The following NMBR variants were observed in gnomAD, a reference collection of about 807,000 sequenced individuals.
NMBR encodes the protein neuromedin-B receptor.
In NMBR, 16 loss-of-function variants were observed where a neutral mutation model predicts 20.5. The observed-to-expected ratio is 0.78, with a 90% CI of 0.53 to 1.19. The LOEUF (loss-of-function observed/expected upper bound fraction) is 1.19, where lower values mean the gene tolerates loss of function less well. Among genes scored for constraint, NMBR ranks in the 50% most tolerant of loss-of-function variants. The pLI is 0.00. For missense variants in NMBR, 582 were observed against 499.1 expected, an observed-to-expected ratio of 1.17 and a Z score of -1.58; for synonymous variants, 212 against 196.6, an observed-to-expected ratio of 1.08 and a Z score of -0.65.
At chr6:142,143,751 T>G (rs225620) in intron 1 of NMBR, among the ~76,000 whole-genome samples, 1 of 150,390 alleles carries the variant, frequency 6.6e-6, no homozygotes, top group Admixed American at 6.6e-5. Flanking sequence ...ATACAGGAGA[T>G]GTAGAATAGC....
At chr6:142,124,053 T>A (rs1277716360) in intron 1 of NMBR, among the ~76,000 whole-genome samples, 1 of 151,688 alleles carries the variant, frequency 6.6e-6, no homozygotes, top group Non-Finnish European at 1.5e-5. Flanking sequence ...CGAAACCATA[T>A]CAAGCAGTCT....
chr6:142,091,250 G>A (rs1272948747), intron 1 of NMBR, among the ~76,000 whole-genome samples: 1 of 152,016 alleles, frequency 6.6e-6, no homozygotes, highest in Non-Finnish European at 1.5e-5. Flanking sequence ...TTTGAGACAG[G>A]GTCTTGCTCT....
In NMBR at chr6:142,116,388, C is replaced by T. The variant is rs567286439; in HGVS notation, c.-663-27067G>A. ...CTAAGAGGGTATGTAGAGTTATTAA[C>T]ATCTTGTTTGGACACAAATAGAGGC... On this transcript the variant is annotated intron_variant, in intron 1 of 3. Coordinates refer to ENST00000258042, the MANE Select transcript of NMBR (RefSeq NM_002511.4). Among the ~76,000 whole-genome samples the T allele has an allele frequency of 3.9e-5, 6 of 152,026 alleles. No individual in the cohort carries two copies. The South Asian group carries it at 1.2e-3, about 32-fold the overall frequency.
At chr6:142,135,563 T>C (rs907032213) in intron 1 of NMBR, among the ~76,000 whole-genome samples, 1 of 151,748 alleles carries the variant, frequency 6.6e-6, no homozygotes, top group African/African-American at 2.4e-5. Context: ...GTTACATATG[T>C]ATACATGTGC....
At position 142,078,918 on chromosome 6, in the gene NMBR, C is replaced by G. The variant is rs762828858; in HGVS notation, c.423-15G>C. 4.3e-5 allele frequency: 63 copies of G among 1,465,292 alleles called. No homozygotes were observed. In the Admixed American group the frequency reaches 1.2e-3, roughly 28 times the overall value. 90.8% of individuals were successfully genotyped at this position (1,465,292 alleles called of 1,614,324 possible). On this transcript the variant is annotated splice_polypyrimidine_tract_variant and intron_variant, in intron 2 of 3. Transcript: ENST00000258042. The stretch of plus-strand genomic sequence containing the variant: ...TGGCTCTGTACCTGGGAAAATGATA[C>G]ATCTCAAGTTATTCCAGAAAGAAAG...
At chr6:142,102,114 C>T (rs559868808) in intron 1 of NMBR, among the ~76,000 whole-genome samples, 35 of 152,172 alleles carry the variant, frequency 2.3e-4, no homozygotes, top group South Asian at 1.0e-3. Flanking sequence ...TGCAGCTGGG[C>T]GCGGTGGCTC....
At chr6:142,117,637 T>A (rs183897518) in intron 1 of NMBR, among the ~76,000 whole-genome samples, 62 of 152,084 alleles carry the variant, frequency 4.1e-4, no homozygotes, top group African/African-American at 1.4e-3. Context: ...TTTAATTAAT[T>A]AATCTGGAGT....
chr6:142,147,020 CA>C, intron 1 of NMBR, 23 bp downstream of exon 1: 1 of 437,950 alleles, frequency 2.3e-6, no homozygotes, highest in South Asian at 4.7e-5. Context: ...AAAAGCAAAA[CA>C]AAACAAAAAC....
chr6:142,145,901 A>C (rs1010851383), intron 1 of NMBR, among the ~76,000 whole-genome samples: 9 of 152,226 alleles, frequency 5.9e-5, no homozygotes, highest in Admixed American at 2.6e-4. Context: ...CTTTAAGGGC[A>C]GCTGCGGTTG....
At chr6:142,117,358 T>C (rs1281203726) in intron 1 of NMBR, among the ~76,000 whole-genome samples, 1 of 151,970 alleles carries the variant, frequency 6.6e-6, no homozygotes, top group Admixed American at 6.6e-5. Context: ...CCTAGATCTA[T>C]ATTAATATTT....
chr6:142,104,636 C>T (rs1453718941), intron 1 of NMBR, among the ~76,000 whole-genome samples: 1 of 152,020 alleles, frequency 6.6e-6, no homozygotes, highest in African/African-American at 2.4e-5. Flanking sequence ...AATAAAAAAC[C>T]TGTACTCTTT....
intron 1 of NMBR, among the ~76,000 whole-genome samples, chr6:142,115,296 T>C (rs1279451273): frequency 6.6e-6 from 1 of 151,910 alleles, no homozygotes; most frequent in Admixed American, 6.6e-5. Flanking sequence ...ATGGAGAGTA[T>C]AGTGGGAGGG....
intron 1 of NMBR, among the ~76,000 whole-genome samples, chr6:142,129,394 A>G (rs962294168): frequency 2.6e-5 from 4 of 152,096 alleles, no homozygotes; most frequent in Non-Finnish European, 5.9e-5. Flanking sequence ...GAAAATTTAT[A>G]AATGTATCCT....
At chr6:142,123,547 GA>G (rs1401318779) in intron 1 of NMBR, among the ~76,000 whole-genome samples, 4 of 151,926 alleles carry the variant, frequency 2.6e-5, no homozygotes, top group Admixed American at 6.6e-5. Context: ...GATCTTTTAT[GA>G]AAGGAAGTCA....
chr6:142,087,887 C>G (rs767678353), intron 2 of NMBR, among the ~76,000 whole-genome samples: 9 of 152,176 alleles, frequency 5.9e-5, no homozygotes, highest in Non-Finnish European at 1.2e-4. Flanking sequence ...TAAGCACACA[C>G]AGAAAGCTTC....
intron 2 of NMBR, among the ~76,000 whole-genome samples, chr6:142,082,030 T>A (rs1777107677): frequency 6.6e-6 from 1 of 152,176 alleles, no homozygotes; most frequent in Middle Eastern, 3.2e-3. Flanking sequence ...AAAGAGATAA[T>A]TAAGTTTAAT....
intron 1 of NMBR, among the ~76,000 whole-genome samples, chr6:142,123,406 A>G (rs1483600716): frequency 6.6e-6 from 1 of 152,002 alleles, no homozygotes; most frequent in Admixed American, 6.6e-5. Flanking sequence ...TGAAATAACA[A>G]CAAAGGATCT....
intron 2 of NMBR, among the ~76,000 whole-genome samples, chr6:142,079,835 T>C (rs939582426): frequency 2.0e-5 from 3 of 152,172 alleles, no homozygotes; most frequent in Admixed American, 1.3e-4. Flanking sequence ...AAAATATTAA[T>C]GGCAATATAC....
chr6:142,147,118 G>C lies in NMBR; in HGVS notation c.-738C>G. On this transcript the variant is annotated 5_prime_UTR_variant, in exon 1 of 4. Transcript: ENST00000258042. Reference sequence around the variant, plus strand: ...GTCTTCTGTGGGTTCTAACCGCCGAGAGCCAAGCACCCTGAGGTTGTCCCA... The same window carrying C: ...GTCTTCTGTGGGTTCTAACCGCCGACAGCCAAGCACCCTGAGGTTGTCCCA... The C allele has an allele frequency of 1.5e-6, 1 of 665,188 alleles. No individual in the cohort carries two copies. The highest frequency in any genetic ancestry group is 1.8e-5 in the South Asian group (1 of 54,350). The allele number at this position is 665,188 out of a possible 1,614,324, so 41.2% of individuals were successfully genotyped here. A position where few individuals can be genotyped will look rare whatever the true frequency, so the allele number is the denominator to read the frequency against.
Sources: gnomAD v4.1 joint callset for allele counts (sites outside exome capture counted in the v4.1 genomes callset) on GRCh38, gnomAD v4.1.1 for gene constraint, MANE v1.5 for transcripts, NCBI Gene and HGNC (gene_info 2026-07-23, HGNC 2026-07-21) for gene names.